Variants in UGT1A10 observed in about 807,000 individuals in gnomAD.
The protein encoded by UGT1A10 is UDP-glucuronosyltransferase 1A10.
In UGT1A10, 49 loss-of-function variants were observed where a neutral mutation model predicts 45.8. That is an observed-to-expected ratio of 1.07 (90% confidence interval 0.85 to 1.36). The LOEUF (loss-of-function observed/expected upper bound fraction) is 1.36, where lower values mean the gene tolerates loss of function less well. UGT1A10 is among the 40% of genes most tolerant of loss of function. The pLI, the probability that UGT1A10 is intolerant of heterozygous loss-of-function variation, is 0.00. For missense variants in UGT1A10, 745 were observed against 668.6 expected, an observed-to-expected ratio of 1.11 and a Z score of -1.26; for synonymous variants, 284 against 249.7, an observed-to-expected ratio of 1.14 and a Z score of -1.29.
chr2:233,727,229 T>C (rs1169442036), intron 1 of UGT1A10, among the ~76,000 whole-genome samples: 2 of 152,184 alleles, frequency 1.3e-5, no homozygotes, highest in African/African-American at 2.4e-5. Flanking sequence ...CATATGCGGA[T>C]GGCTCCAAGT....
chr2:233,759,602 C>T (rs1283516103), intron 1 of UGT1A10, among the ~76,000 whole-genome samples: 2 of 135,262 alleles, frequency 1.5e-5, no homozygotes, highest in African/African-American at 5.3e-5. Flanking sequence ...ACCCCCGACC[C>T]GCCCCACCCA....
intron 1 of UGT1A10, among the ~76,000 whole-genome samples, chr2:233,712,689 G>T (rs550235910): frequency 6.6e-5 from 10 of 152,258 alleles, no homozygotes; most frequent in South Asian, 6.2e-4. Context: ...ATGAAATGGG[G>T]GTTCACAGCC....
chr2:233,710,234 T>C (rs1256330216), intron 1 of UGT1A10, among the ~76,000 whole-genome samples: 1 of 152,254 alleles, frequency 6.6e-6, no homozygotes, highest in East Asian at 1.9e-4. Flanking sequence ...CTATGACTAT[T>C]CGAGTACGAG....
intron 1 of UGT1A10, among the ~76,000 whole-genome samples, chr2:233,671,540 G>C (rs1316547521): frequency 6.6e-6 from 1 of 152,040 alleles, no homozygotes; most frequent in Non-Finnish European, 1.5e-5. Context: ...GTTGCCTAAA[G>C]GTAAAATCTA....
chr2:233,642,762 G>A (rs2073485149), intron 1 of UGT1A10, among the ~76,000 whole-genome samples: 1 of 152,220 alleles, frequency 6.6e-6, no homozygotes, highest in Non-Finnish European at 1.5e-5. Context: ...GGTTCTTGCA[G>A]ACTTGTAGAT....
chr2:233,694,266 C>T (rs1198459756), intron 1 of UGT1A10, among the ~76,000 whole-genome samples: 1 of 151,834 alleles, frequency 6.6e-6, no homozygotes. Context: ...CAGCGAACTA[C>T]AGCCTGTGAG....
intron 1 of UGT1A10, chr2:233,719,222 T>G: frequency 6.2e-7 from 1 of 1,614,238 alleles, no homozygotes; most frequent in Non-Finnish European, 8.5e-7. Context: ...TACTGCATAA[T>G]GAGGCCCTGA....
Position 233,693,709 on chromosome 2 carries a change from T to G in UGT1A10, c.855+56332T>G, listed in dbSNP as rs2075176128. ...CAAAGTATGAAGAACTCGCATCAGC[T>G]GTCCTCAAGAGAGATGTGGATATAA... On this transcript the variant is annotated intron_variant, in intron 1 of 4. Transcript: ENST00000344644. 3 of 1,614,230 alleles carry G rather than the reference T, an allele frequency of 1.9e-6. No homozygotes were observed. In the East Asian group the frequency reaches 6.7e-5, roughly 36 times the overall value.
chr2:233,704,582 A>G (rs1433849632), intron 1 of UGT1A10, among the ~76,000 whole-genome samples: 2 of 152,188 alleles, frequency 1.3e-5, no homozygotes, highest in African/African-American at 4.8e-5. Context: ...TTCAAGAATC[A>G]GAGAGAAGAA....
At chr2:233,668,059 A>AT (rs34354669) in intron 1 of UGT1A10, among the ~76,000 whole-genome samples, 86,094 of 151,280 alleles carry the variant, frequency 0.57, 25,504 homozygotes, top group African/African-American at 0.74. Context: ...TACTGTGCAC[A>AT]TTTTTTTTTA....
intron 1 of UGT1A10, among the ~76,000 whole-genome samples, chr2:233,726,813 T>C (rs2077563444): frequency 6.6e-6 from 1 of 152,232 alleles, no homozygotes; most frequent in Non-Finnish European, 1.5e-5. Context: ...GAGGTTTTCC[T>C]CTATTCGACC....
At chr2:233,668,683 G>A (rs2074124343) in intron 1 of UGT1A10, among the ~76,000 whole-genome samples, 1 of 152,224 alleles carries the variant, frequency 6.6e-6, no homozygotes, top group African/African-American at 2.4e-5. Context: ...CAGGGTAAAA[G>A]CGTTCCTATT....
At chr2:233,747,722 G>GT (rs574078556) in intron 1 of UGT1A10, 82 of 1,612,726 alleles carry the variant, frequency 5.1e-5, no homozygotes, top group Admixed American at 1.2e-4. Flanking sequence ...TTCCTGCTGT[G>GT]TTTTTTTTGA....
intron 1 of UGT1A10, among the ~76,000 whole-genome samples, chr2:233,643,697 G>A (rs1391133083): frequency 1.3e-5 from 2 of 152,122 alleles, no homozygotes; most frequent in Non-Finnish European, 2.9e-5. Context: ...GCTCACCAAG[G>A]CCCTTGACGT....
intron 1 of UGT1A10, among the ~76,000 whole-genome samples, chr2:233,663,596 C>T (rs2074016331): frequency 6.6e-6 from 1 of 152,068 alleles, no homozygotes; most frequent in African/African-American, 2.4e-5. Context: ...AATCCTAAAC[C>T]ATAATTTCTA....
At chr2:233,722,318 G>A (rs1376337551) in intron 1 of UGT1A10, among the ~76,000 whole-genome samples, 1 of 152,064 alleles carries the variant, frequency 6.6e-6, no homozygotes, top group Non-Finnish European at 1.5e-5. Context: ...TACTTGGTTT[G>A]GTTGACCCTT....
chr2:233,738,188 G>T (rs543563413), intron 1 of UGT1A10, among the ~76,000 whole-genome samples: 6 of 152,088 alleles, frequency 3.9e-5, no homozygotes, highest in Non-Finnish European at 8.8e-5. Flanking sequence ...ACGTGTCTTT[G>T]CCTCTCTCTC....
At chr2:233,694,733 T>C (rs1314036348) in intron 1 of UGT1A10, among the ~76,000 whole-genome samples, 1 of 152,174 alleles carries the variant, frequency 6.6e-6, no homozygotes, top group South Asian at 2.1e-4. Context: ...TGTTAACAAT[T>C]TGAACAGTTG....
chr2:233,712,941 TA>T (rs2076262183), intron 1 of UGT1A10: 1 of 1,612,448 alleles, frequency 6.2e-7, no homozygotes, highest in Non-Finnish European at 8.5e-7. Context: ...GAAACAATTC[TA>T]GGAGGCACAA....
Sources: gnomAD v4.1 joint callset for allele counts (sites outside exome capture counted in the v4.1 genomes callset) on GRCh38, gnomAD v4.1.1 for gene constraint, MANE v1.5 for transcripts, NCBI Gene and HGNC (gene_info 2026-07-23, HGNC 2026-07-21) for gene names.